Variants in RFESD observed in about 807,000 individuals in gnomAD.
RFESD encodes Rieske domain-containing protein.
A neutral mutation model predicts 24.4 loss-of-function variants in RFESD; 16 were observed. The observed-to-expected ratio is 0.66, with a 90% CI of 0.44 to 1.00. The LOEUF is 1.00. RFESD is among the 50% of genes least tolerant of loss of function. The pLI is 0.00. For missense variants in RFESD, 208 were observed against 247.0 expected (o/e 0.84, Z 1.06); for synonymous variants, 59 against 81.8 (o/e 0.72, Z 1.50).
chr5:95,651,178 C>T (rs1750317886), intron 1 of RFESD, among the ~76,000 whole-genome samples: 1 of 149,274 alleles, frequency 6.7e-6, no homozygotes, highest in African/African-American at 2.5e-5. Context: ...AGTGGAATTA[C>T]AATGCAGATT....
At position 95,653,159 on chromosome 5, in the gene RFESD, T is replaced by A. The variant is rs572693940; in HGVS notation, c.103T>A (p.Leu35Met). ...FPKLLACLVH[L>M]HFGHFSSAVI... ...CAAGCTGTTGGCATGTCTAGTTCATTTGCATTTTGGGCATTTCAGCTCAGC... is the reference window on the plus strand; with the variant it reads ...CAAGCTGTTGGCATGTCTAGTTCATATGCATTTTGGGCATTTCAGCTCAGC... The change falls in exon 3 of 6, where the codon TTG (leucine) becomes ATG (methionine). Residue 35 changes from leucine to methionine, a missense_variant. Transcript: ENST00000380005. The A allele has an allele frequency of 1.4e-4, 216 of 1,551,768 alleles. 2 individuals carry two copies. In the South Asian group the frequency reaches 2.4e-3, roughly 17 times the overall value.
chr5:95,649,677 T>G (rs976443377), intron 1 of RFESD, among the ~76,000 whole-genome samples: 9 of 152,256 alleles, frequency 5.9e-5, no homozygotes, highest in African/African-American at 1.7e-4. Flanking sequence ...GCATTTCCTT[T>G]GCGTTTTCCT....
At position 95,654,123 on chromosome 5, in the gene RFESD, G is replaced by T; in HGVS notation, c.221G>T (p.Gly74Val). Residue 74 changes from glycine (G) to valine (V), a missense_variant, in exon 4 of 6, where the codon GGC becomes GTC. Coordinates refer to ENST00000380005, the MANE Select transcript of RFESD (RefSeq NM_001131066.2). ...AGGGAATATTCTTCTGTGTGTGTGG[G>T]CAGAGAAGATGACATTAAAAAATCT... ...EKREYSSVCVGREDDIKKSER... is the reference protein window; with the variant it reads ...EKREYSSVCVVREDDIKKSER... 1 of 1,611,414 alleles carries T rather than the reference G, an allele frequency of 6.2e-7. No individual in the cohort carries two copies. Among genetic ancestry groups the T allele is most frequent in the Non-Finnish European group, 8.5e-7 (1 of 1,179,198 alleles).
In RFESD at chr5:95,656,406, A is replaced by T; in HGVS notation, c.*97A>T. 1 of 908,502 alleles carries T rather than the reference A, an allele frequency of 1.1e-6. No homozygotes were observed. Among genetic ancestry groups the T allele is most frequent in the Non-Finnish European group, 1.7e-6 (1 of 601,990 alleles). 56.3% of individuals were successfully genotyped at this position (908,502 alleles called of 1,614,324 possible). A position where few individuals can be genotyped will look rare whatever the true frequency, so the allele number is the denominator to read the frequency against. On this transcript the variant is annotated 3_prime_UTR_variant, in exon 6 of 6. Transcript: ENST00000380005. ...TAAAGGTGATGAAATTTTTCAACAT[A>T]GGCACAACTGTTTAAAATTCACATA...
chr5:95,654,506 T>C (rs1750604493), intron 5 of RFESD, 139 bp downstream of exon 5: 3 of 656,170 alleles, frequency 4.6e-6, no homozygotes, highest in South Asian at 2.2e-5. Flanking sequence ...AAATGAGAAA[T>C]ATGCTTATCT....
intron 2 of RFESD, chr5:95,652,542 C>T: frequency 3.7e-6 from 2 of 542,018 alleles, no homozygotes; most frequent in Non-Finnish European, 2.9e-6. Flanking sequence ...TCCTCACAGT[C>T]TTTGGCACTA....
chr5:95,648,738 T>A (rs562769220), intron 1 of RFESD, among the ~76,000 whole-genome samples: 51 of 152,296 alleles, frequency 3.3e-4, no homozygotes, highest in Middle Eastern at 6.8e-3. Context: ...TTTGTCGGGT[T>A]GGAGGCAAAC....
chr5:95,653,038 A>T, intron 2 of RFESD, 79 bp from the exon 3 acceptor site: 2 of 1,532,140 alleles, frequency 1.3e-6, no homozygotes, highest in South Asian at 2.5e-5. Context: ...CCAATCTTGC[A>T]TATTATGTTC....
chr5:95,650,131 C>A (rs1580254854), intron 1 of RFESD, among the ~76,000 whole-genome samples: 1 of 152,266 alleles, frequency 6.6e-6, no homozygotes, highest in Non-Finnish European at 1.5e-5. Context: ...TGGCCATGGT[C>A]CTCTTTGCCT....
Position 95,656,262 on chromosome 5 carries a change from G to A in RFESD, c.586G>A (p.Asp196Asn). ...TAATGAACCTTTTAAGTGTGACTCT[G>A]ATTTTTATGCCACTGGAGACTTCAA... Reference protein sequence around the residue: ...LSNEPFKCDSDFYATGDFKVI... With the variant: ...LSNEPFKCDSNFYATGDFKVI... The change falls in exon 6 of 6, where the codon GAT (aspartate) becomes AAT (asparagine). Residue 196 changes from aspartate to asparagine, a missense_variant. Transcript: ENST00000380005. 1 of 1,613,242 alleles carries A rather than the reference G, an allele frequency of 6.2e-7. No individual in the cohort carries two copies. Among genetic ancestry groups the A allele is most frequent in the Non-Finnish European group, 8.5e-7 (1 of 1,179,296 alleles).
At chr5:95,650,727 T>G (rs1750282045) in intron 1 of RFESD, among the ~76,000 whole-genome samples, 1 of 152,154 alleles carries the variant, frequency 6.6e-6, no homozygotes, top group Non-Finnish European at 1.5e-5. Context: ...ACAATTTCCC[T>G]TTTTTGGGGA....
chr5:95,654,367 G>A lies in RFESD; in HGVS notation c.369G>A (p.Glu123=). 2 of 1,581,690 alleles carry A rather than the reference G, an allele frequency of 1.3e-6. No individual in the cohort carries two copies. The highest frequency in any genetic ancestry group is 1.7e-6 in the Non-Finnish European group (2 of 1,159,862). ...SGGPLHLGDI[E]DFDGRPCIVC... ...GACCTTTACATTTGGGAGATATAGA[G>A]GTATGTAAAATTAAATTTATTTTCA... Residue 123 remains glutamate, a splice_region_variant and synonymous_variant, in exon 5 of 6, where the codon GAG becomes GAA. Coordinates refer to ENST00000380005, the MANE Select transcript of RFESD (RefSeq NM_001131066.2).
At chr5:95,653,756 G>A (rs1171801354) in intron 3 of RFESD, among the ~76,000 whole-genome samples, 1 of 152,108 alleles carries the variant, frequency 6.6e-6, no homozygotes, top group African/African-American at 2.4e-5. Flanking sequence ...AAATTAGCCA[G>A]GTGTGGTGGT....
At chr5:95,653,863 A>G (rs1398386610) in intron 3 of RFESD, among the ~76,000 whole-genome samples, 198 bp from the exon 4 acceptor site, 2 of 152,116 alleles carry the variant, frequency 1.3e-5, no homozygotes, top group Non-Finnish European at 2.9e-5. Flanking sequence ...GTGCTACTGC[A>G]CTCCAGCCTG....
intron 1 of RFESD, among the ~76,000 whole-genome samples, chr5:95,648,851 A>T (rs1047113144): frequency 1.4e-5 from 2 of 142,734 alleles, no homozygotes; most frequent in African/African-American, 2.6e-5. Context: ...TTTTGATATT[A>T]TACTACATCT....
chr5:95,652,089 C>T (rs1414023407), intron 1 of RFESD, 48 bp from the exon 2 acceptor site: 1 of 622,592 alleles, frequency 1.6e-6, no homozygotes, highest in Non-Finnish European at 2.6e-6. Context: ...ACAGACGTGA[C>T]CAGCATTGGA....
At chr5:95,653,023 G>T (rs1419605890) in intron 2 of RFESD, 94 bp from the exon 3 acceptor site, 2 of 1,509,586 alleles carry the variant, frequency 1.3e-6, no homozygotes, top group Non-Finnish European at 1.8e-6. Context: ...GCTCCTGCCT[G>T]TTTACCAATC....
In RFESD at chr5:95,654,198, A is replaced by AG. The variant is rs1232506957; in HGVS notation, c.296_297insG (p.His99GlnfsTer28). On this transcript the variant is annotated frameshift_variant, in exon 4 of 6. Transcript: ENST00000380005. LOFTEE classifies it high-confidence loss of function. ...GATAGAGAAGTGGTCATTTTCTACC[A>AG]CAAGGGAGAATATCATGCTATGGAT... 1.2e-6 allele frequency: 2 copies of AG among 1,613,126 alleles called. No individual in the cohort carries two copies. The highest frequency in any genetic ancestry group is 2.7e-5 in the African/African-American group (2 of 74,912).
rs1350474651 is a variant in RFESD, at chr5:95,657,748, A to C, written c.*1439A>C. ...TCATTTCTCAGACAACCAACGAACC[A>C]GACTTGGGCTTTTTATAGATACTGT... On this transcript the variant is annotated 3_prime_UTR_variant, in exon 6 of 6. Coordinates refer to ENST00000380005, the MANE Select transcript of RFESD (RefSeq NM_001131066.2). The C allele has an allele frequency of 6.6e-6, 1 of 152,294 alleles. No individual in the cohort carries two copies. Among genetic ancestry groups the C allele is most frequent in the South Asian group, 2.1e-4 (1 of 4,832 alleles). 9.4% of individuals were successfully genotyped at this position (152,294 alleles called of 1,614,324 possible).
Sources: gnomAD v4.1 joint callset for allele counts (sites outside exome capture counted in the v4.1 genomes callset) on GRCh38, gnomAD v4.1.1 for gene constraint, MANE v1.5 for transcripts, NCBI Gene and HGNC (gene_info 2026-07-23, HGNC 2026-07-21) for gene names.